The following CFAP52 variants were observed in gnomAD, a reference collection of about 807,000 sequenced individuals.
CFAP52 encodes cilia and flagella associated protein 52.
A neutral mutation model predicts 70.5 loss-of-function variants in CFAP52; 57 were observed. The observed-to-expected ratio is 0.81, with a 90% CI of 0.65 to 1.01. The LOEUF is 1.01. CFAP52 is among the 50% of genes least tolerant of loss of function. The pLI, the probability that CFAP52 is intolerant of heterozygous loss-of-function variation, is 0.00. For missense variants in CFAP52, 785 were observed against 788.5 expected (o/e 1.00, Z 0.05); for synonymous variants, 267 against 292.5 (o/e 0.91, Z 0.89).
At chr17:9,635,343 C>A (rs983374195) in intron 10 of CFAP52, 62 bp from the exon 11 acceptor site, 1 of 1,584,818 alleles carries the variant, frequency 6.3e-7, no homozygotes, top group Non-Finnish European at 8.6e-7. Flanking sequence ...CTCTTGGAAT[C>A]TTTTCCTATC....
chr17:9,614,015 A>G (rs1421532523), intron 8 of CFAP52, among the ~76,000 whole-genome samples: 6 of 152,000 alleles, frequency 3.9e-5, no homozygotes, highest in Non-Finnish European at 2.9e-5. Context: ...TAGTAGAATT[A>G]ATCTGCAAAA....
intron 12 of CFAP52, among the ~76,000 whole-genome samples, chr17:9,639,748 G>A (rs2151953887): frequency 6.6e-6 from 1 of 152,260 alleles, no homozygotes; most frequent in South Asian, 2.1e-4. Context: ...GGTGGGTGAA[G>A]GCCTCCTTAA....
rs1291594304 is a variant in CFAP52 at position 9,600,084 on chromosome 17, C to G, written c.654C>G (p.Ser218Arg). The G allele has an allele frequency of 6.2e-7, 1 of 1,613,522 alleles. No homozygotes were observed. The highest frequency in any genetic ancestry group is 1.1e-5 in the South Asian group (1 of 91,054). Residue 218 changes from serine to arginine, a missense_variant, in exon 6 of 14, where the codon AGC (serine) becomes AGG (arginine). Ser to Arg is a moderately radical substitution (Grantham distance 110). Transcript: ENST00000352665. Reference protein sequence around the residue: ...VMSIGVDDDDSFFYLGTTTGD... With the variant: ...VMSIGVDDDDRFFYLGTTTGD... ...TTCTTCAGGTGGATGATGATGATAG[C>G]TTTTTCTACCTTGGCACCACGACTG...
rs1491490983 is a variant in CFAP52 at position 9,631,019 on chromosome 17, A to AG, written c.1175-1869_1175-1868insG. 2.3e-3 allele frequency among the ~76,000 whole-genome samples: 156 copies of AG among 67,882 alleles called. 4 individuals carry two copies. Among genetic ancestry groups the AG allele is most frequent in the South Asian group, 4.0e-3 (6 of 1,512 alleles). The allele number at this position is 67,882 out of a possible 152,430, so 44.5% of individuals were successfully genotyped here. A position where few individuals can be genotyped will look rare whatever the true frequency, so the allele number is the denominator to read the frequency against. On this transcript the variant is annotated intron_variant, in intron 9 of 13. Coordinates refer to ENST00000352665, the MANE Select transcript of CFAP52 (RefSeq NM_145054.5). ...GAAAGAAAGAAAGAAAGAAAGAAAG[A>AG]AAGAAAGAAAGAGAGAGAGAGAGAG...
At chr17:9,614,445 C>CAATTTT (rs1909832619) in intron 8 of CFAP52, among the ~76,000 whole-genome samples, 1 of 152,190 alleles carries the variant, frequency 6.6e-6, no homozygotes, top group Admixed American at 6.5e-5. Flanking sequence ...CGTGAGCCAC[C>CAATTTT]ACGCCTGGCC....
intron 8 of CFAP52, among the ~76,000 whole-genome samples, chr17:9,627,082 T>C (rs189540750): frequency 6.6e-6 from 1 of 152,082 alleles, no homozygotes; most frequent in Non-Finnish European, 1.5e-5. Context: ...TTTTGACACA[T>C]TGGTAATTTA....
At chr17:9,629,052 C>T (rs374787564) in intron 9 of CFAP52, among the ~76,000 whole-genome samples, 1 of 152,086 alleles carries the variant, frequency 6.6e-6, no homozygotes, top group South Asian at 2.1e-4. Flanking sequence ...CTGCATATAG[C>T]GTGAATCTTT....
intron 6 of CFAP52, among the ~76,000 whole-genome samples, chr17:9,604,860 C>A (rs865909706): frequency 2.6e-4 from 39 of 152,032 alleles, no homozygotes; most frequent in African/African-American, 9.4e-4. Context: ...TGTCTTATAT[C>A]AGCCGGGAAA....
At chr17:9,614,307 C>G (rs527883783) in intron 8 of CFAP52, among the ~76,000 whole-genome samples, 1 of 152,174 alleles carries the variant, frequency 6.6e-6, no homozygotes, top group Non-Finnish European at 1.5e-5. Flanking sequence ...AGGCATGTGC[C>G]ACCGCGCCCA....
Position 9,603,239 on chromosome 17 carries a change from C to T in CFAP52, c.753+3056C>T, listed in dbSNP as rs563379665. 3.2e-4 allele frequency among the ~76,000 whole-genome samples: 49 copies of T among 152,226 alleles called. No homozygotes were observed. The East Asian group carries it at 7.0e-3, about 22-fold the overall frequency. The stretch of plus-strand genomic sequence containing the variant: ...GTTATTATTTTTTGATACAGAGTCT[C>T]GCTCTGTCGCCCAGGCTGGAGTGCA... On this transcript the variant is annotated intron_variant, in intron 6 of 13. Coordinates refer to ENST00000352665, the MANE Select transcript of CFAP52 (RefSeq NM_145054.5).
chr17:9,616,511 C>A lies in CFAP52; in HGVS notation c.1025+4032C>A, dbSNP rs1419997903. Reference sequence around the variant, plus strand: ...TGGAGCCCACCACAACTCAAGGAGGCCTGCCTGCCTCTGTAGGCTCCACCT... The same window carrying A: ...TGGAGCCCACCACAACTCAAGGAGGACTGCCTGCCTCTGTAGGCTCCACCT... On this transcript the variant is annotated intron_variant, in intron 8 of 13. Transcript: ENST00000352665. 4.9e-5 allele frequency among the ~76,000 whole-genome samples: 7 copies of A among 142,534 alleles called. No individual in the cohort carries two copies. In the East Asian group the frequency reaches 1.5e-3, roughly 30 times the overall value. The allele number at this position is 142,534 out of a possible 152,430, so 93.5% of individuals were successfully genotyped here.
At chr17:9,578,669 C>T (rs1469130859) in intron 1 of CFAP52, among the ~76,000 whole-genome samples, 2 of 152,166 alleles carry the variant, frequency 1.3e-5, no homozygotes, top group East Asian at 3.9e-4. Flanking sequence ...CCTCAGCCTC[C>T]AGAGTAGCTG....
At chr17:9,584,299 A>G (rs1908348333) in intron 1 of CFAP52, 3 of 1,288,790 alleles carry the variant, frequency 2.3e-6, no homozygotes, top group Non-Finnish European at 3.0e-6. Context: ...ACCTTGGCAG[A>G]TATTTGGAGT....
chr17:9,622,004 T>TA lies in CFAP52; in HGVS notation c.1026-6661dup, dbSNP rs767149548. 3.4e-3 allele frequency among the ~76,000 whole-genome samples: 506 copies of TA among 147,510 alleles called. 3 individuals are homozygous for TA. The highest frequency in any genetic ancestry group is 0.012 in the African/African-American group (478 of 40,002). ...ATGTACCCTAAAACTTAGAGTATAA[T>TA]AAAAAAATAAATAAATAAATATAGT... On this transcript the variant is annotated intron_variant, in intron 8 of 13. Transcript: ENST00000352665.
At chr17:9,638,530 C>A in intron 11 of CFAP52, 79 bp from the exon 12 acceptor site, 1 of 1,406,062 alleles carries the variant, frequency 7.1e-7, no homozygotes, top group Non-Finnish European at 1.0e-6. Context: ...CCAGCTTGCA[C>A]CAAATCCAGC....
intron 1 of CFAP52, among the ~76,000 whole-genome samples, chr17:9,578,137 G>A (rs1350400100): frequency 6.6e-6 from 1 of 152,132 alleles, no homozygotes; most frequent in African/African-American, 2.4e-5. Context: ...ATATTCAACA[G>A]GTTATAGGAG....
intron 8 of CFAP52, among the ~76,000 whole-genome samples, chr17:9,613,502 TTTTGTTTG>T (rs377374357): frequency 0.013 from 1,931 of 150,240 alleles, 22 homozygotes; most frequent in Middle Eastern, 0.038. Flanking sequence ...TTTGGGGGGT[TTTTGTTTG>T]TTTGTTTGTT....
intron 4 of CFAP52, among the ~76,000 whole-genome samples, chr17:9,595,971 A>T (rs1056282147): frequency 6.7e-6 from 1 of 149,674 alleles, no homozygotes; most frequent in East Asian, 1.9e-4. Context: ...AGCTAAAAAA[A>T]CAAAAGAAAA....
intron 7 of CFAP52, among the ~76,000 whole-genome samples, chr17:9,612,082 TCTC>T (rs1909734979): frequency 6.6e-6 from 1 of 152,220 alleles, no homozygotes; most frequent in South Asian, 2.1e-4. Context: ...CAAAACGTTA[TCTC>T]ACTGAAGAAG....
Sources: allele counts gnomAD v4.1 joint callset (sites outside exome capture counted in the v4.1 genomes callset), GRCh38; gene constraint gnomAD v4.1.1; transcripts MANE v1.5; gene names NCBI Gene and HGNC (gene_info 2026-07-23, HGNC 2026-07-21).